The following ANAPC7 variants were observed in gnomAD, a reference collection of about 807,000 sequenced individuals.
ANAPC7 encodes anaphase promoting complex subunit 7, also known as anaphase-promoting complex subunit 7.
ANAPC7 carries 25 observed loss-of-function variants against 63.3 expected under a neutral mutation model. The observed-to-expected ratio is 0.39, with a 90% CI of 0.29 to 0.55. The LOEUF (loss-of-function observed/expected upper bound fraction) is 0.55. Ranked by LOEUF, ANAPC7 falls within the 20% of genes least tolerant of loss-of-function variation. The pLI, the probability that ANAPC7 is intolerant of heterozygous loss-of-function variation, is 0.57. For missense variants in ANAPC7, 516 were observed against 691.7 expected (o/e 0.75, Z 2.85); for synonymous variants, 241 against 251.7 (o/e 0.96, Z 0.40).
chr12:110,386,343 A>G lies in ANAPC7; in HGVS notation c.801T>C (p.Asp267=). ...ATTACTTACCTTTTATCAGATAAGG[A>G]TCCAACATCTGTGCCTGTTCAAACT... ...VLKFEQAQML[D]PYLIKGMDVY... Residue 267 remains aspartate, a synonymous_variant, in exon 6 of 11, where the codon GAT becomes GAC. Transcript: ENST00000455511. 1 of 1,614,106 alleles carries G rather than the reference A, an allele frequency of 6.2e-7. No individual in the cohort carries two copies. The highest frequency in any genetic ancestry group is 8.5e-7 in the Non-Finnish European group (1 of 1,180,028).
chr12:110,385,032 G>T (rs1239312362), intron 6 of ANAPC7, among the ~76,000 whole-genome samples: 1 of 152,210 alleles, frequency 6.6e-6, no homozygotes, highest in Non-Finnish European at 1.5e-5. Context: ...GGGAGACTGA[G>T]GCGGGTGGAT....
chr12:110,391,082 C>T (rs1490421140), intron 3 of ANAPC7, among the ~76,000 whole-genome samples: 1 of 152,036 alleles, frequency 6.6e-6, no homozygotes, highest in Non-Finnish European at 1.5e-5. Context: ...ACCAGCTACT[C>T]AGGAGGCTGA....
intron 7 of ANAPC7, among the ~76,000 whole-genome samples, chr12:110,382,492 A>T (rs1162039954): frequency 3.0e-5 from 4 of 133,012 alleles, no homozygotes; most frequent in South Asian, 2.4e-4. Context: ...ATATATATAT[A>T]TATTTATAGA....
At chr12:110,401,833 G>A (rs967483435) in intron 1 of ANAPC7, among the ~76,000 whole-genome samples, 18 of 151,874 alleles carry the variant, frequency 1.2e-4, no homozygotes, top group African/African-American at 3.9e-4. Context: ...AATTAGCTGG[G>A]TGCGGTGGCG....
chr12:110,396,067 TC>T (rs746138821), intron 2 of ANAPC7, among the ~76,000 whole-genome samples, 198 bp downstream of exon 2: 2 of 152,078 alleles, frequency 1.3e-5, no homozygotes, highest in Non-Finnish European at 2.9e-5. Context: ...GGGTTTGTGT[TC>T]CTATAAGAAT....
intron 9 of ANAPC7, among the ~76,000 whole-genome samples, chr12:110,376,762 C>A (rs1881323738): frequency 6.7e-6 from 1 of 149,334 alleles, no homozygotes; most frequent in East Asian, 2.0e-4. Context: ...GATAGCTCCA[C>A]TCAAAATGGC....
intron 6 of ANAPC7, among the ~76,000 whole-genome samples, chr12:110,384,632 C>T (rs753886608): frequency 2.7e-5 from 4 of 148,998 alleles, no homozygotes; most frequent in Admixed American, 6.7e-5. Flanking sequence ...TGCAGTGAGC[C>T]GAGATTGCAC....
intron 3 of ANAPC7, among the ~76,000 whole-genome samples, chr12:110,394,894 GA>G (rs1231048412): frequency 6.6e-6 from 1 of 151,842 alleles, no homozygotes; most frequent in African/African-American, 2.4e-5. Context: ...AAAAAACAAA[GA>G]ATAAGCATGT....
chr12:110,401,698 C>T (rs1320430505), intron 1 of ANAPC7, among the ~76,000 whole-genome samples: 1 of 151,852 alleles, frequency 6.6e-6, no homozygotes, highest in Non-Finnish European at 1.5e-5. Context: ...GAAGACCAGA[C>T]TGGTCGGCTG....
chr12:110,381,377 G>A lies in ANAPC7; in HGVS notation c.1132+375C>T, dbSNP rs151094104. ...TTAATAGATGGAGTCTTGCTCTGTC[G>A]CCAGGCTGGAGTGCAGTGGCGCAAT... On this transcript the variant is annotated intron_variant, in intron 8 of 10. Coordinates refer to ENST00000455511, the MANE Select transcript of ANAPC7 (RefSeq NM_016238.3). Among the ~76,000 whole-genome samples the A allele has an allele frequency of 7.4e-3, 1,118 of 151,798 alleles. 4 individuals are homozygous for A. The highest frequency in any genetic ancestry group is 0.012 in the Non-Finnish European group (803 of 67,950).
In ANAPC7 at chr12:110,394,551, C is replaced by T. The variant is rs547818547; in HGVS notation, c.408+550G>A. The stretch of plus-strand genomic sequence containing the variant: ...GGCTGAGGCAGGAGAATCACTTGTA[C>T]TTGGGAGATGGAGGTTGCAGTGAGC... On this transcript the variant is annotated intron_variant, in intron 3 of 10. Coordinates refer to ENST00000455511, the MANE Select transcript of ANAPC7 (RefSeq NM_016238.3). Among the ~76,000 whole-genome samples the T allele has an allele frequency of 4.0e-5, 6 of 151,036 alleles. No individual in the cohort carries two copies. The South Asian group carries it at 1.3e-3, about 32-fold the overall frequency.
intron 8 of ANAPC7, chr12:110,378,529 C>G (rs1881510294): frequency 6.6e-6 from 1 of 152,218 alleles, no homozygotes; most frequent in South Asian, 2.1e-4. Flanking sequence ...CTTCCCTAAA[C>G]GAGATGAACA....
At chr12:110,400,140 T>C (rs1312721494) in intron 1 of ANAPC7, among the ~76,000 whole-genome samples, 1 of 152,158 alleles carries the variant, frequency 6.6e-6, no homozygotes, top group Non-Finnish European at 1.5e-5. Flanking sequence ...CTAGATGACT[T>C]AAGTTCTCTT....
chr12:110,396,996 G>A (rs2062152382), intron 1 of ANAPC7, among the ~76,000 whole-genome samples: 2 of 151,862 alleles, frequency 1.3e-5, no homozygotes, highest in East Asian at 3.9e-4. Flanking sequence ...GAGGTCAGGA[G>A]ATCGAGACCA....
chr12:110,376,174 T>A lies in ANAPC7; in HGVS notation c.1400A>T (p.Asn467Ile). ...KYEDGIALLR[N>I]ALANQSDCVL... is the part of the protein sequence containing the mutation. The stretch of plus-strand genomic sequence containing the variant: ...ACAGTCACTCTGATTAGCCAGTGCG[T>A]TCCTCAGCAAAGCAATTCCATCTTC... Residue 467 changes from asparagine (N) to isoleucine (I), a missense_variant, in exon 10 of 11, where the codon AAC becomes ATC. Asn to Ile is a moderately radical substitution (Grantham distance 149). Transcript: ENST00000455511. 6.2e-7 allele frequency: 1 copy of A among 1,614,158 alleles called. No individual in the cohort carries two copies. The highest frequency in any genetic ancestry group is 8.5e-7 in the Non-Finnish European group (1 of 1,180,036).
Position 110,386,202 on chromosome 12 carries a change from T to G in ANAPC7, c.817+125A>C, listed in dbSNP as rs1033739739. ...TCATGACCTAAAAAAAGTAAAAGAC[T>G]AGTATAAGTTTTATACACCATTTCT... On this transcript the variant is annotated intron_variant, in intron 6 of 10. Transcript: ENST00000455511. 6.6e-6 allele frequency: 9 copies of G among 1,365,706 alleles called. No homozygotes were observed. The African/African-American group carries it at 1.0e-4, about 16-fold the overall frequency. The allele number at this position is 1,365,706 out of a possible 1,614,324, so 84.6% of individuals were successfully genotyped here.
chr12:110,378,187 C>G (rs1408591607), intron 8 of ANAPC7: 1 of 153,896 alleles, frequency 6.5e-6, no homozygotes. Flanking sequence ...CTCCGCCTCC[C>G]GGGTTCAAGC....
intron 7 of ANAPC7, among the ~76,000 whole-genome samples, chr12:110,382,461 A>AATATATATATAT (rs66967302): frequency 4.5e-4 from 14 of 30,834 alleles, no homozygotes; most frequent in South Asian, 8.6e-4. Flanking sequence ...AAAAAAAAAA[A>AATATATATATAT]ATATATATAT....
At chr12:110,398,497 G>C (rs1171106067) in intron 1 of ANAPC7, among the ~76,000 whole-genome samples, 2 of 152,016 alleles carry the variant, frequency 1.3e-5, no homozygotes, top group Non-Finnish European at 2.9e-5. Context: ...ACAGTGTAAA[G>C]GAACCAATGT....
Sources: allele counts gnomAD v4.1 joint callset (sites outside exome capture counted in the v4.1 genomes callset), GRCh38; gene constraint gnomAD v4.1.1; transcripts MANE v1.5; gene names NCBI Gene and HGNC (gene_info 2026-07-23, HGNC 2026-07-21).